Variants in PHIP observed in about 807,000 individuals in gnomAD.
PHIP encodes PH-interacting protein.
A neutral mutation model predicts 236.8 loss-of-function variants in PHIP; 54 were observed. The observed-to-expected ratio is 0.23, with a 90% confidence interval of 0.18 to 0.29. The LOEUF (loss-of-function observed/expected upper bound fraction) is 0.29, where lower values mean the gene tolerates loss of function less well. Among genes scored for constraint, PHIP ranks in the 10% least tolerant of loss-of-function variants. The pLI is 1.00. For missense variants in PHIP, 1,370 were observed against 2,190.8 expected (o/e 0.63, Z 7.48); for synonymous variants, 756 against 718.9 (o/e 1.05, Z -0.83).
At chr6:78,979,267 C>G (rs1021111108) in intron 23 of PHIP, among the ~76,000 whole-genome samples, 2 of 151,978 alleles carry the variant, frequency 1.3e-5, no homozygotes, top group African/African-American at 4.8e-5. Context: ...ACAAAGAGAA[C>G]TAACTAGAAG....
intron 35 of PHIP, among the ~76,000 whole-genome samples, chr6:78,949,541 C>A (rs1031592914): frequency 6.6e-6 from 1 of 152,050 alleles, no homozygotes; most frequent in Non-Finnish European, 1.5e-5. Context: ...CTGTGACCTG[C>A]CTTGCATTTC....
rs755824385 is a variant in PHIP, at chr6:78,947,734, G to A, written c.4095C>T (p.Thr1365=). The A allele has an allele frequency of 3.4e-5, 54 of 1,606,448 alleles. No individual in the cohort carries two copies. The highest frequency in any genetic ancestry group is 1.7e-4 in the Middle Eastern group (1 of 6,042). The change falls in exon 36 of 40, where the codon ACC becomes ACT. Residue 1365 remains threonine (T), a synonymous_variant. Coordinates refer to ENST00000275034, the MANE Select transcript of PHIP (RefSeq NM_017934.7). ...TCCCAGCCTCTAAAGTTTCTCTAAC[G>A]GTAGCAAAATCCATTGGAGTGTCAA... ...DIIDTPMDFA[T]VRETLEAGNY...
rs78272095 is a variant in PHIP, at chr6:79,028,089, A to G, written c.601-1925T>C. Among the ~76,000 whole-genome samples, 134 of 152,320 alleles carry G rather than the reference A, an allele frequency of 8.8e-4. 1 individual carries two copies. The East Asian group carries it at 0.023, about 26-fold the overall frequency. On this transcript the variant is annotated intron_variant, in intron 7 of 39. Coordinates refer to ENST00000275034, the MANE Select transcript of PHIP (RefSeq NM_017934.7). ...CATAATGTGACTATAAAGTATGGTC[A>G]AAAGCATGAAAATGTGAAACAATGT...
chr6:78,997,611 T>C lies in PHIP; in HGVS notation c.2018-14A>G. ...AACTTATGGAGCCTAAGTGAAAAAGTTACTATATTAAGTTCTACTTAGAGA... is the reference window on the plus strand; with the variant it reads ...AACTTATGGAGCCTAAGTGAAAAAGCTACTATATTAAGTTCTACTTAGAGA... On this transcript the variant is annotated splice_polypyrimidine_tract_variant and intron_variant, in intron 18 of 39. Transcript: ENST00000275034. 6.2e-7 allele frequency: 1 copy of C among 1,600,268 alleles called. No individual in the cohort carries two copies.
intron 35 of PHIP, among the ~76,000 whole-genome samples, chr6:78,948,581 G>T (rs1582087443): frequency 6.6e-6 from 1 of 152,080 alleles, no homozygotes; most frequent in South Asian, 2.1e-4. Flanking sequence ...TGCATCCTTG[G>T]CCTCCCAGAC....
chr6:79,039,682 T>C (rs1772114527), intron 7 of PHIP, among the ~76,000 whole-genome samples: 1 of 152,138 alleles, frequency 6.6e-6, no homozygotes, highest in South Asian at 2.1e-4. Context: ...AGAGAGACAA[T>C]TTATGTTTCT....
At chr6:79,034,351 A>G (rs988338057) in intron 7 of PHIP, among the ~76,000 whole-genome samples, 6 of 152,218 alleles carry the variant, frequency 3.9e-5, no homozygotes, top group Non-Finnish European at 8.8e-5. Context: ...AAAGTTCCAC[A>G]GGTCTTTATG....
chr6:78,973,991 C>T (rs1277860545), intron 24 of PHIP, among the ~76,000 whole-genome samples: 2 of 152,108 alleles, frequency 1.3e-5, no homozygotes, highest in African/African-American at 4.8e-5. Context: ...AACAAGGATA[C>T]CCAGGAATTG....
At chr6:79,015,827 C>T (rs1770809641) in intron 13 of PHIP, 44 bp from the exon 14 acceptor site, 1 of 1,483,534 alleles carries the variant, frequency 6.7e-7, no homozygotes, top group South Asian at 1.2e-5. Context: ...AAAATACTGA[C>T]ACAACAAAAA....
At chr6:78,975,640 A>C (rs1245649333) in intron 24 of PHIP, among the ~76,000 whole-genome samples, 1 of 152,184 alleles carries the variant, frequency 6.6e-6, no homozygotes, top group Admixed American at 6.5e-5. Context: ...GTCTCAGCCC[A>C]AAATCTCCTT....
chr6:78,963,048 A>T, intron 30 of PHIP, 49 bp downstream of exon 30: 1 of 1,504,642 alleles, frequency 6.6e-7, no homozygotes, highest in Non-Finnish European at 8.9e-7. Context: ...TTTTTCCATT[A>T]CTTTGTGTTC....
chr6:78,984,410 C>A (rs1348247026), intron 22 of PHIP, among the ~76,000 whole-genome samples: 1 of 139,642 alleles, frequency 7.2e-6, no homozygotes, highest in Non-Finnish European at 1.6e-5. Flanking sequence ...ACAGTTATCA[C>A]TCTCTGGAGT....
chr6:78,962,838 A>T (rs994108245), intron 30 of PHIP, among the ~76,000 whole-genome samples: 8 of 152,002 alleles, frequency 5.3e-5, no homozygotes, highest in Admixed American at 2.0e-4. Context: ...GTTGTGGAGG[A>T]CCCAGTTTTT....
chr6:79,005,643 A>AATCTACTCT (rs1380547665), intron 15 of PHIP, among the ~76,000 whole-genome samples: 1 of 152,032 alleles, frequency 6.6e-6, no homozygotes, highest in Non-Finnish European at 1.5e-5. Context: ...CTACTTTATA[A>AATCTACTCT]ATCTACTCTA....
At chr6:79,064,066 A>G (rs1422007934) in intron 4 of PHIP, among the ~76,000 whole-genome samples, 1 of 151,764 alleles carries the variant, frequency 6.6e-6, no homozygotes, top group Non-Finnish European at 1.5e-5. Context: ...TCCCTATCAA[A>G]TCTGTAAACC....
chr6:79,050,542 T>C (rs1203342441), intron 6 of PHIP, among the ~76,000 whole-genome samples: 3 of 152,214 alleles, frequency 2.0e-5, no homozygotes, highest in Non-Finnish European at 4.4e-5. Context: ...TGCCAAAGTA[T>C]GTACAGCAGT....
chr6:79,014,562 T>C (rs1770746948), intron 15 of PHIP, among the ~76,000 whole-genome samples: 1 of 151,734 alleles, frequency 6.6e-6, no homozygotes. Flanking sequence ...ATTCAAATAC[T>C]TGGCCAATTA....
Position 78,963,084 on chromosome 6 carries a change from T to A in PHIP, c.3535+13A>T, listed in dbSNP as rs1290765857. 6.4e-7 allele frequency: 1 copy of A among 1,570,814 alleles called. No individual in the cohort carries two copies. Among genetic ancestry groups the A allele is most frequent in the East Asian group, 2.3e-5 (1 of 43,456 alleles). The stretch of plus-strand genomic sequence containing the variant: ...TGCCAGTTTTTTCTATACTCGCGTG[T>A]TGCTTTACTTACCTAGTGTCATCAA... On this transcript the variant is annotated intron_variant, in intron 30 of 39. Coordinates refer to ENST00000275034, the MANE Select transcript of PHIP (RefSeq NM_017934.7).
intron 6 of PHIP, among the ~76,000 whole-genome samples, chr6:79,054,478 T>C (rs1772970046): frequency 6.6e-6 from 1 of 150,858 alleles, no homozygotes; most frequent in Non-Finnish European, 1.5e-5. Flanking sequence ...AAGTGATGAG[T>C]AGATATCTAA....
Sources: gnomAD v4.1 joint callset for allele counts (sites outside exome capture counted in the v4.1 genomes callset) on GRCh38, gnomAD v4.1.1 for gene constraint, MANE v1.5 for transcripts, NCBI Gene and HGNC (gene_info 2026-07-23, HGNC 2026-07-21) for gene names.